Variants in MECOM observed in about 807,000 individuals in gnomAD.
MECOM encodes the protein MDS1 and EVI1 complex locus.
MECOM carries 13 observed loss-of-function variants against 116.3 expected under a neutral mutation model. That is an observed-to-expected ratio of 0.11 (90% CI 0.07 to 0.18). The LOEUF is 0.18. MECOM is among the 10% of genes least tolerant of loss of function. The pLI is 1.00. For missense variants in MECOM, 1,299 were observed against 1,509.0 expected (o/e 0.86, Z 2.31); for synonymous variants, 528 against 535.2 (o/e 0.99, Z 0.19).
At chr3:169,215,912 G>A (rs1751369083) in intron 2 of MECOM, among the ~76,000 whole-genome samples, 1 of 152,206 alleles carries the variant, frequency 6.6e-6, no homozygotes, top group African/African-American at 2.4e-5. Context: ...CGCTCTTCCA[G>A]GCAATTTGGC....
chr3:169,472,627 GAAAAGA>G (rs1483844328), intron 1 of MECOM, among the ~76,000 whole-genome samples: 1 of 67,864 alleles, frequency 1.5e-5, no homozygotes, highest in Non-Finnish European at 2.5e-5. Flanking sequence ...GAAAAGAAAA[GAAAAGA>G]AAAGGAAAGG....
At chr3:169,271,218 C>G (rs1052807530) in intron 2 of MECOM, among the ~76,000 whole-genome samples, 1 of 152,200 alleles carries the variant, frequency 6.6e-6, no homozygotes, top group African/African-American at 2.4e-5. Context: ...CCCTCTACAT[C>G]AAAGGACTAT....
rs559315615 is a variant in MECOM, at chr3:169,544,331, T to A, written c.37+119005A>T. Among the ~76,000 whole-genome samples the A allele has an allele frequency of 2.9e-4, 44 of 152,268 alleles. No individual in the cohort carries two copies. The South Asian group carries it at 8.9e-3, about 31-fold the overall frequency. ...AAGTGACAAGTAACTGATTAAAAAG[T>A]CAGACTTTCATTTATAGAAAAAGGC... On this transcript the variant is annotated intron_variant, in intron 1 of 16. Coordinates refer to ENST00000651503, the MANE Select transcript of MECOM (RefSeq NM_004991.4).
At chr3:169,340,413 A>T (rs1724307870) in intron 2 of MECOM, among the ~76,000 whole-genome samples, 1 of 152,080 alleles carries the variant, frequency 6.6e-6, no homozygotes. Flanking sequence ...TGTGGTTTGG[A>T]TTTATTTTCT....
At chr3:169,149,895 G>A in intron 2 of MECOM, 2 of 313,756 alleles carry the variant, frequency 6.4e-6, no homozygotes, top group Non-Finnish European at 1.3e-5. Context: ...GGCAAAGGAA[G>A]CTAACAAAAC....
chr3:169,442,516 C>G (rs961167703), intron 1 of MECOM, among the ~76,000 whole-genome samples: 1 of 151,984 alleles, frequency 6.6e-6, no homozygotes, highest in African/African-American at 2.4e-5. Flanking sequence ...GGTAAGTATC[C>G]CAATTAGGTG....
At chr3:169,272,588 C>T (rs559715141) in intron 2 of MECOM, among the ~76,000 whole-genome samples, 62 of 152,252 alleles carry the variant, frequency 4.1e-4, no homozygotes, top group African/African-American at 1.5e-3. Context: ...CGTTTTCTGA[C>T]ATGGTCCTGG....
At chr3:169,431,777 A>G (rs1030565575) in intron 1 of MECOM, among the ~76,000 whole-genome samples, 6 of 152,196 alleles carry the variant, frequency 3.9e-5, no homozygotes, top group African/African-American at 1.2e-4. Flanking sequence ...GTACTTACAT[A>G]TAGAAATGGC....
chr3:169,227,159 G>A (rs1752827966), intron 2 of MECOM, among the ~76,000 whole-genome samples: 2 of 152,038 alleles, frequency 1.3e-5, no homozygotes, highest in Admixed American at 6.6e-5. Flanking sequence ...ATTGTACACA[G>A]TACTAATATT....
chr3:169,279,410 T>C (rs1711507020), intron 2 of MECOM, among the ~76,000 whole-genome samples: 1 of 152,060 alleles, frequency 6.6e-6, no homozygotes, highest in South Asian at 2.1e-4. Flanking sequence ...GCTTGTTACG[T>C]AGTTGTTCAG....
At chr3:169,543,315 C>A (rs1230067054) in intron 1 of MECOM, among the ~76,000 whole-genome samples, 4 of 152,206 alleles carry the variant, frequency 2.6e-5, no homozygotes, top group Non-Finnish European at 2.9e-5. Flanking sequence ...TGGCTCATGT[C>A]TGCAGTTCCA....
At chr3:169,320,575 A>T (rs1720677182) in intron 2 of MECOM, among the ~76,000 whole-genome samples, 1 of 152,218 alleles carries the variant, frequency 6.6e-6, no homozygotes, top group South Asian at 2.1e-4. Context: ...TGCACTGATT[A>T]TCATGGTATA....
chr3:169,663,511 TCTCTCTCTCTC>T lies in MECOM; in HGVS notation c.-150_-140del. On this transcript the variant is annotated 5_prime_UTR_variant, in exon 1 of 17. Transcript: ENST00000651503. The stretch of plus-strand genomic sequence containing the variant: ...CTCTCTCTCTCTCTCTCTCTCTCTC[TCTCTCTCTCTC>T]TCTCTCTCCCTCCCTCCTGTTTCTC... The T allele has an allele frequency of 4.2e-5, 28 of 673,210 alleles. No individual in the cohort carries two copies. Among genetic ancestry groups the T allele is most frequent in the Non-Finnish European group, 6.8e-5 (26 of 382,586 alleles). 41.7% of individuals were successfully genotyped at this position (673,210 alleles called of 1,614,324 possible).
chr3:169,397,345 G>A (rs1256652395), intron 1 of MECOM, among the ~76,000 whole-genome samples: 1 of 152,208 alleles, frequency 6.6e-6, no homozygotes, highest in African/African-American at 2.4e-5. Context: ...ACATTTGTAA[G>A]AGGCATTATT....
At chr3:169,203,108 G>T (rs1440613944) in intron 2 of MECOM, among the ~76,000 whole-genome samples, 2 of 152,114 alleles carry the variant, frequency 1.3e-5, no homozygotes, top group African/African-American at 4.8e-5. Flanking sequence ...CATGGTCAAG[G>T]TGAGCCTATG....
chr3:169,365,198 A>C (rs62293354), intron 2 of MECOM, among the ~76,000 whole-genome samples: 7,313 of 152,140 alleles, frequency 0.048, 178 homozygotes, highest in Non-Finnish European at 0.059. Context: ...TTGTTACTAT[A>C]GAAGAACTAT....
intron 1 of MECOM, among the ~76,000 whole-genome samples, chr3:169,594,170 A>AAAAAAAAAAAAACC (rs1553894632): frequency 1.1e-4 from 13 of 119,412 alleles, no homozygotes; most frequent in African/African-American, 5.0e-4. Flanking sequence ...AAAAAAAAAA[A>AAAAAAAAAAAAACC]AAAAAACACC....
chr3:169,277,158 G>T (rs1759694736), intron 2 of MECOM, among the ~76,000 whole-genome samples: 1 of 152,122 alleles, frequency 6.6e-6, no homozygotes, highest in African/African-American at 2.4e-5. Context: ...GAGAAAATGG[G>T]TATGTATATT....
At chr3:169,394,738 C>T (rs1291245822) in intron 1 of MECOM, among the ~76,000 whole-genome samples, 1 of 152,132 alleles carries the variant, frequency 6.6e-6, no homozygotes, top group African/African-American at 2.4e-5. Flanking sequence ...TTGAACTCTT[C>T]TAAATAAACA....
Sources: gnomAD v4.1 joint callset for allele counts (sites outside exome capture counted in the v4.1 genomes callset) on GRCh38, gnomAD v4.1.1 for gene constraint, MANE v1.5 for transcripts, NCBI Gene and HGNC (gene_info 2026-07-23, HGNC 2026-07-21) for gene names.